SOX6: variants seen among roughly 807,000 people sequenced by gnomAD.
SOX6 encodes the protein transcription factor SOX-6.
In SOX6, 11 loss-of-function variants were observed where a neutral mutation model predicts 97.8. That is an observed-to-expected ratio of 0.11 (90% CI 0.07 to 0.19). The LOEUF is 0.19. Among genes scored for constraint, SOX6 ranks in the 10% least tolerant of loss-of-function variants. The probability of loss-of-function intolerance (pLI) is 1.00; values close to 1 mark genes in which losing one functional copy is unlikely to be tolerated. For missense variants in SOX6, 810 were observed against 1,039.5 expected (o/e 0.78, Z 3.04); for synonymous variants, 360 against 371.4 (o/e 0.97, Z 0.35).
intron 2 of SOX6, among the ~76,000 whole-genome samples, chr11:16,334,472 G>C (rs997512946): frequency 6.6e-6 from 1 of 151,040 alleles, no homozygotes; most frequent in African/African-American, 2.4e-5. Flanking sequence ...CTGTCGCCCA[G>C]GCTGGAGTGC....
chr11:16,152,829 G>A (rs1054161069), intron 6 of SOX6, among the ~76,000 whole-genome samples: 6 of 150,604 alleles, frequency 4.0e-5, no homozygotes, highest in African/African-American at 7.3e-5. Context: ...TCAGCCTCCC[G>A]AGTAGCTGGG....
chr11:16,583,185 T>C (rs550449689), intron 4 of SOX6, among the ~76,000 whole-genome samples: 37 of 152,184 alleles, frequency 2.4e-4, no homozygotes, highest in Admixed American at 1.8e-3. Flanking sequence ...TAATTGTACA[T>C]GTTTGCAAGG....
chr11:16,320,444 C>T (rs71484710), intron 2 of SOX6, among the ~76,000 whole-genome samples: 1,729 of 152,132 alleles, frequency 0.011, 20 homozygotes, highest in Middle Eastern at 0.031. Context: ...CTAGGTATTT[C>T]GGATTATTGT....
intron 1 of SOX6, among the ~76,000 whole-genome samples, chr11:16,445,626 A>T (rs773515351): frequency 3.3e-5 from 5 of 152,086 alleles, no homozygotes; most frequent in Non-Finnish European, 5.9e-5. Context: ...TTTGTGCAAT[A>T]CTTTTAATCC....
At chr11:16,217,488 T>A (rs905312295) in intron 4 of SOX6, among the ~76,000 whole-genome samples, 3 of 152,110 alleles carry the variant, frequency 2.0e-5, no homozygotes, top group African/African-American at 7.2e-5. Context: ...AAATAAAAAA[T>A]AAAGTAAAAT....
At chr11:16,073,386 TAAG>T (rs911476202) in intron 9 of SOX6, among the ~76,000 whole-genome samples, 14 of 152,128 alleles carry the variant, frequency 9.2e-5, no homozygotes, top group Non-Finnish European at 2.1e-4. Flanking sequence ...TTCTATTCAA[TAAG>T]AAGACCTAAC....
At chr11:16,049,242 T>C (rs1847619937) in intron 11 of SOX6, among the ~76,000 whole-genome samples, 1 of 152,134 alleles carries the variant, frequency 6.6e-6, no homozygotes, top group South Asian at 2.1e-4. Flanking sequence ...CTTGGCCATA[T>C]ATGGGGGAGT....
chr11:16,424,823 G>C (rs1565140705), intron 1 of SOX6, among the ~76,000 whole-genome samples: 1 of 152,190 alleles, frequency 6.6e-6, no homozygotes, highest in Non-Finnish European at 1.5e-5. Context: ...ATATGGCTCT[G>C]GGGACAAATT....
intron 6 of SOX6, among the ~76,000 whole-genome samples, chr11:16,156,092 T>C (rs1850589531): frequency 6.6e-6 from 1 of 152,054 alleles, no homozygotes; most frequent in South Asian, 2.1e-4. Flanking sequence ...CTAGAGCATG[T>C]CACTTTGCCT....
chr11:16,026,463 C>A (rs1046975326), intron 12 of SOX6, among the ~76,000 whole-genome samples: 1 of 152,164 alleles, frequency 6.6e-6, no homozygotes, highest in African/African-American at 2.4e-5. Context: ...TCAGAGGGAA[C>A]ACATTTTCAT....
intron 4 of SOX6, among the ~76,000 whole-genome samples, chr11:16,595,630 C>T: frequency 6.7e-6 from 1 of 150,258 alleles, no homozygotes. Context: ...AAAAAATTAG[C>T]CAGGCATGGT....
intron 4 of SOX6, chr11:16,484,812 G>A: frequency 3.2e-6 from 1 of 308,808 alleles, no homozygotes; most frequent in Non-Finnish European, 6.1e-6. Context: ...CAAGAATGTT[G>A]TGGAAAGAAT....
chr11:16,727,510 C>T lies in SOX6; in HGVS notation n.353+8829G>A, dbSNP rs190004629. Among the ~76,000 whole-genome samples, 472 of 151,576 alleles carry T rather than the reference C, an allele frequency of 3.1e-3. 5 individuals carry two copies. Among genetic ancestry groups the T allele is most frequent in the Non-Finnish European group, 2.4e-3 (160 of 67,908 alleles). On this transcript the variant is annotated intron_variant and non_coding_transcript_variant, in intron 2 of 5. Coordinates refer to the SOX6 transcript ENST00000524520. ...AATGGTGTGATCTCAGCTCACAGAA[C>T]ACTTGACCTCCCAGGATCAAGCAAT...
intron 4 of SOX6, among the ~76,000 whole-genome samples, chr11:16,577,497 GT>G (rs767316691): frequency 2.0e-5 from 3 of 152,036 alleles, no homozygotes; most frequent in East Asian, 3.9e-4. Context: ...ACTGATACTG[GT>G]TTCTAAAGTG....
At chr11:16,414,197 T>C (rs148121635) in intron 1 of SOX6, among the ~76,000 whole-genome samples, 1 of 152,324 alleles carries the variant, frequency 6.6e-6, no homozygotes, top group African/African-American at 2.4e-5. Flanking sequence ...ATGAGAGTGA[T>C]GTGCCAATTC....
At chr11:16,404,780 G>A (rs988826244) in intron 1 of SOX6, among the ~76,000 whole-genome samples, 2 of 151,932 alleles carry the variant, frequency 1.3e-5, no homozygotes, top group African/African-American at 2.4e-5. Context: ...GGTAAATCCC[G>A]TTATTTTAAA....
At chr11:16,270,394 G>T (rs1346074355) in intron 3 of SOX6, among the ~76,000 whole-genome samples, 1 of 151,276 alleles carries the variant, frequency 6.6e-6, no homozygotes, top group East Asian at 1.9e-4. Context: ...TACATTGCGG[G>T]GGAGGCGAGG....
intron 4 of SOX6, among the ~76,000 whole-genome samples, chr11:16,197,988 C>T (rs1478639734): frequency 1.3e-5 from 2 of 152,064 alleles, no homozygotes; most frequent in East Asian, 1.9e-4. Flanking sequence ...CTAGGACATT[C>T]GTCACAAATT....
At chr11:16,499,726 C>G (rs1386473405) in intron 4 of SOX6, among the ~76,000 whole-genome samples, 1 of 152,176 alleles carries the variant, frequency 6.6e-6, no homozygotes, top group African/African-American at 2.4e-5. Flanking sequence ...TGGATAAATT[C>G]CTCGACACAT....
Sources: gnomAD v4.1 joint callset for allele counts (sites outside exome capture counted in the v4.1 genomes callset) on GRCh38, gnomAD v4.1.1 for gene constraint, MANE v1.5 for transcripts, NCBI Gene and HGNC (gene_info 2026-07-23, HGNC 2026-07-21) for gene names.